Variants in RAB3GAP2 observed in about 807,000 individuals in gnomAD.
RAB3GAP2 encodes the protein RAB3 GTPase activating non-catalytic protein subunit 2.
RAB3GAP2 carries 87 observed loss-of-function variants against 185.3 expected under a neutral mutation model. That is an observed-to-expected ratio of 0.47 (90% CI 0.39 to 0.56). RAB3GAP2 has a LOEUF of 0.56. Among genes scored for constraint, RAB3GAP2 ranks in the 20% least tolerant of loss-of-function variants. The pLI is 0.00. For synonymous variants in RAB3GAP2, 554 were observed against 576.1 expected (o/e 0.96, Z 0.55); for missense variants, 1,492 against 1,638.2 (o/e 0.91, Z 1.54).
chr1:220,252,631 G>A (rs1373539206), intron 1 of RAB3GAP2, among the ~76,000 whole-genome samples: 1 of 152,222 alleles, frequency 6.6e-6, no homozygotes, highest in Non-Finnish European at 1.5e-5. Context: ...GCCAAGAGAA[G>A]CAGTGAGTAA....
chr1:220,179,272 AC>A (rs1229927436), intron 21 of RAB3GAP2, among the ~76,000 whole-genome samples: 5 of 149,878 alleles, frequency 3.3e-5, no homozygotes, highest in African/African-American at 9.8e-5. Context: ...AAAAAAGAAG[AC>A]AAAGATGGTA....
chr1:220,208,511 A>G (rs1659012860), intron 7 of RAB3GAP2, among the ~76,000 whole-genome samples: 1 of 152,286 alleles, frequency 6.6e-6, no homozygotes, highest in South Asian at 2.1e-4. Flanking sequence ...ACATGATATC[A>G]GTAACTTGAT....
Position 220,210,501 on chromosome 1 carries a change from C to T in RAB3GAP2, c.511-12G>A. 1 of 1,597,086 alleles carries T rather than the reference C, an allele frequency of 6.3e-7. No homozygotes were observed. On this transcript the variant is annotated splice_polypyrimidine_tract_variant and intron_variant, in intron 6 of 34. Coordinates refer to ENST00000358951, the MANE Select transcript of RAB3GAP2 (RefSeq NM_012414.4). ...AAGAGCACACCATTCTAGGAGGAAG[C>T]ACAGAGAAGGGCCCTGCTTGTTTTC...
chr1:220,267,064 C>G (rs939057478), intron 1 of RAB3GAP2: 3 of 1,605,298 alleles, frequency 1.9e-6, no homozygotes, highest in Middle Eastern at 1.7e-4. Context: ...AGTGGTCCTC[C>G]TGGAAGATGG....
chr1:220,157,222 C>G, intron 31 of RAB3GAP2, 48 bp downstream of exon 31: 1 of 1,493,546 alleles, frequency 6.7e-7, no homozygotes, highest in Admixed American at 1.7e-5. Context: ...CATGTGTCTG[C>G]TAAGCCTGCA....
chr1:220,202,336 ATGGTGGTGGTTG>A lies in RAB3GAP2; in HGVS notation c.739_750del (p.Gln247_Pro250del). On this transcript the variant is annotated inframe_deletion, in exon 9 of 35. Transcript: ENST00000358951. ...TGTAGACCCCATTTCTTATAAGCTA[ATGGTGGTGGTTG>A]TATGTTCTCATTGCCTGATGCTGCA... is the stretch of plus-strand genomic sequence containing the variant. 1 of 1,613,918 alleles carries A rather than the reference ATGGTGGTGGTTG, an allele frequency of 6.2e-7. No homozygotes were observed. The highest frequency in any genetic ancestry group is 8.5e-7 in the Non-Finnish European group (1 of 1,179,890).
chr1:220,191,538 G>A (rs1042746701), intron 13 of RAB3GAP2, among the ~76,000 whole-genome samples: 3 of 151,942 alleles, frequency 2.0e-5, no homozygotes, highest in African/African-American at 4.8e-5. Flanking sequence ...GAAAATATTG[G>A]CTGGGCACAG....
rs2102538013 is a variant in RAB3GAP2, at chr1:220,267,626, G to C, written c.115+4597C>G. On this transcript the variant is annotated intron_variant, in intron 1 of 34. Transcript: ENST00000358951. ...GTGCCGACAGCGGGGACTGCTTGCT[G>C]TTTTGGGTGTTATTCAGTGGCCTGG... 10 of 1,412,818 alleles carry C rather than the reference G, an allele frequency of 7.1e-6. No homozygotes were observed. The South Asian group carries it at 9.2e-5, about 13-fold the overall frequency. The allele number at this position is 1,412,818 out of a possible 1,614,324, so 87.5% of individuals were successfully genotyped here.
In RAB3GAP2 at chr1:220,232,820, T is replaced by C. The variant is rs748141558; in HGVS notation, c.159A>G (p.Glu53=). 10 of 1,613,802 alleles carry C rather than the reference T, an allele frequency of 6.2e-6. No individual in the cohort carries two copies. In the South Asian group the frequency reaches 1.1e-4, roughly 18 times the overall value. The change falls in exon 2 of 35, where the codon GAA becomes GAG. Residue 53 remains glutamate, a synonymous_variant. Transcript: ENST00000358951. ...TTACAGGTTCTTGTGGTTCATTTTC[T>C]TCCCATGCTCCCCAACCATCATCTT... ...DWEDDGWGAW[E]ENEPQEPEEE... is the part of the protein sequence containing the mutation.
intron 26 of RAB3GAP2, 86 bp downstream of exon 26, chr1:220,167,207 T>G (rs1367392299): frequency 1.7e-6 from 2 of 1,184,058 alleles, no homozygotes; most frequent in Non-Finnish European, 1.2e-6. Context: ...GTGTTTATAA[T>G]AAGCTATTTA....
At chr1:220,166,427 C>A (rs1558141669) in intron 26 of RAB3GAP2, among the ~76,000 whole-genome samples, 1 of 152,170 alleles carries the variant, frequency 6.6e-6, no homozygotes, top group Non-Finnish European at 1.5e-5. Flanking sequence ...AAGTGAAGGA[C>A]TGATTGGCAA....
intron 33 of RAB3GAP2, 30 bp downstream of exon 33, chr1:220,153,155 C>G (rs1214188481): frequency 6.6e-7 from 1 of 1,512,782 alleles, no homozygotes; most frequent in East Asian, 2.3e-5. Context: ...ATAACTTGAG[C>G]CCAATTAACA....
At position 220,154,048 on chromosome 1, in the gene RAB3GAP2, C is replaced by A. The variant is rs780158398; in HGVS notation, c.3565G>T (p.Ala1189Ser). Reference protein sequence around the residue: ...LSLFDSKGKNAFFKDLTSIQL... With the variant: ...LSLFDSKGKNSFFKDLTSIQL... ...ATTGAAGTTAGGTCTTTGAAAAATG[C>A]ATTTTTTCCCTAAAAAGAAAGAGAG... The change falls in exon 32 of 35, where the codon GCA (alanine) becomes TCA (serine). Residue 1189 changes from alanine to serine, a missense_variant. Ala to Ser is a moderately conservative substitution (Grantham distance 99). Transcript: ENST00000358951. 9 of 1,613,218 alleles carry A rather than the reference C, an allele frequency of 5.6e-6. No individual in the cohort carries two copies. The highest frequency in any genetic ancestry group is 7.6e-6 in the Non-Finnish European group (9 of 1,179,618).
chr1:220,154,142 A>T lies in RAB3GAP2; in HGVS notation c.3556-85T>A. ...AAAGATTTGTTTAAAACTTAATAAT[A>T]ACTTATGGTTGATTTTTATTTCTCC... On this transcript the variant is annotated intron_variant, in intron 31 of 34. Transcript: ENST00000358951. 3 of 1,545,492 alleles carry T rather than the reference A, an allele frequency of 1.9e-6. No individual in the cohort carries two copies. In the East Asian group the frequency reaches 6.9e-5, roughly 36 times the overall value.
At chr1:220,268,949 T>G (rs769004473) in intron 1 of RAB3GAP2, among the ~76,000 whole-genome samples, 48 of 152,206 alleles carry the variant, frequency 3.2e-4, no homozygotes, top group Non-Finnish European at 6.0e-4. Flanking sequence ...ACTTGAATTT[T>G]AAAAATTCAG....
chr1:220,181,804 CTTTGAGCGGTCAT>C (rs1658411320), intron 21 of RAB3GAP2, among the ~76,000 whole-genome samples: 1 of 151,970 alleles, frequency 6.6e-6, no homozygotes, highest in South Asian at 2.1e-4. Context: ...AATCCAAAAG[CTTTGAGCGGTCAT>C]GCGGGGAGGA....
intron 10 of RAB3GAP2, 118 bp downstream of exon 10, chr1:220,196,132 A>C: frequency 8.5e-7 from 1 of 1,177,948 alleles, no homozygotes; most frequent in Non-Finnish European, 1.2e-6. Flanking sequence ...GTTTCAATTG[A>C]AATTTAGAAA....
chr1:220,211,969 T>C (rs752747613), intron 4 of RAB3GAP2, among the ~76,000 whole-genome samples: 7 of 151,766 alleles, frequency 4.6e-5, no homozygotes, highest in Non-Finnish European at 8.8e-5. Context: ...CACTTGGTTG[T>C]CTTTTATCTG....
At chr1:220,244,884 T>C (rs1020513605) in intron 1 of RAB3GAP2, among the ~76,000 whole-genome samples, 7 of 152,058 alleles carry the variant, frequency 4.6e-5, no homozygotes, top group African/African-American at 1.4e-4. Context: ...GAAGATAACA[T>C]TGGAAAAACT....
Sources: gnomAD v4.1 joint callset for allele counts (sites outside exome capture counted in the v4.1 genomes callset) on GRCh38, gnomAD v4.1.1 for gene constraint, MANE v1.5 for transcripts, NCBI Gene and HGNC (gene_info 2026-07-23, HGNC 2026-07-21) for gene names.